The following PDK1 variants were observed in gnomAD, a reference collection of about 807,000 sequenced individuals.
The protein encoded by PDK1 is pyruvate dehydrogenase kinase 1.
Under a neutral mutation model 54.2 loss-of-function variants are expected in PDK1, and 39 were observed. The ratio of observed to expected loss-of-function variants is 0.72; its 90% CI spans 0.56 to 0.94. PDK1 has a LOEUF of 0.94. PDK1 is among the 40% of genes least tolerant of loss of function. The probability of loss-of-function intolerance (pLI) is 0.00; values close to 1 mark genes in which losing one functional copy is unlikely to be tolerated. For missense variants in PDK1, 552 were observed against 566.0 expected, an observed-to-expected ratio of 0.98 and a Z score of 0.25; for synonymous variants, 221 against 207.1, an observed-to-expected ratio of 1.07 and a Z score of -0.58.
the PDK1 span, among the ~76,000 whole-genome samples, chr2:172,646,511 A>G: frequency 1.3e-5 from 2 of 151,724 alleles, no homozygotes; most frequent in African/African-American, 4.8e-5. Context: ...AAGGCAAAAA[A>G]AAAGCGGTCA....
the PDK1 span, among the ~76,000 whole-genome samples, chr2:172,710,289 T>A: frequency 3.9e-5 from 6 of 152,196 alleles, no homozygotes; most frequent in African/African-American, 9.7e-5. Context: ...AGCTGAGACA[T>A]GTGAAAGATG....
chr2:172,590,436 G>A (rs564009085), intron 9 of PDK1, among the ~76,000 whole-genome samples: 15 of 152,150 alleles, frequency 9.9e-5, no homozygotes, highest in African/African-American at 3.1e-4. Flanking sequence ...TTCTTTCTTC[G>A]GTGGGTTTGT....
rs1690972233 is a variant in PDK1, at chr2:172,597,880, A to G, written c.*1911A>G. 1 of 152,248 alleles carries G rather than the reference A, an allele frequency of 6.6e-6. No homozygotes were observed. Among genetic ancestry groups the G allele is most frequent in the Non-Finnish European group, 1.5e-5 (1 of 68,036 alleles). The allele number at this position is 152,248 out of a possible 1,614,324, so 9.4% of individuals were successfully genotyped here. ...AACACTTCATCCTTGGAAGGATTAT[A>G]TAAGATGAACAGTTGTGATAAATGT... On this transcript the variant is annotated 3_prime_UTR_variant, in exon 11 of 11. Coordinates refer to ENST00000282077, the MANE Select transcript of PDK1 (RefSeq NM_002610.5).
At chr2:172,641,323 G>T in the PDK1 span, among the ~76,000 whole-genome samples, 1 of 151,860 alleles carries the variant, frequency 6.6e-6, no homozygotes, top group Admixed American at 6.6e-5. Flanking sequence ...GTGGAGACGG[G>T]GTCTTTCTAT....
intron 8 of PDK1, among the ~76,000 whole-genome samples, chr2:172,582,263 A>G (rs537127535): frequency 8.1e-4 from 123 of 152,310 alleles, no homozygotes; most frequent in African/African-American, 2.9e-3. Context: ...TTTACTGTTG[A>G]TGATTTTACA....
intron 5 of PDK1, 56 bp from the exon 6 acceptor site, chr2:172,566,800 G>A (rs909747715): frequency 1.7e-5 from 19 of 1,126,626 alleles, no homozygotes; most frequent in African/African-American, 1.1e-4. Context: ...ATCTTAATGC[G>A]TGAAAGAGAA....
intron 3 of PDK1, among the ~76,000 whole-genome samples, chr2:172,563,169 T>C (rs903978276): frequency 6.6e-6 from 1 of 152,152 alleles, no homozygotes; most frequent in African/African-American, 2.4e-5. Context: ...ATCCAAGCAG[T>C]CTTACTTTAA....
At chr2:172,621,717 T>C in the PDK1 span, among the ~76,000 whole-genome samples, 2 of 137,684 alleles carry the variant, frequency 1.5e-5, no homozygotes, top group African/African-American at 5.6e-5. Context: ...ATCAAACATG[T>C]TATATGTTTA....
chr2:172,680,582 G>C, the PDK1 span, among the ~76,000 whole-genome samples: 1 of 152,002 alleles, frequency 6.6e-6, no homozygotes, highest in Admixed American at 6.6e-5. Flanking sequence ...TGACCAGGCT[G>C]GTCTTGAACT....
rs1691162587 is a variant in PDK1 at position 172,602,942 on chromosome 2, T to G, written c.*6973T>G. 6.6e-6 allele frequency: 1 copy of G among 152,204 alleles called. No homozygotes were observed. Among genetic ancestry groups the G allele is most frequent in the Admixed American group, 6.5e-5 (1 of 15,276 alleles). 9.4% of individuals were successfully genotyped at this position (152,204 alleles called of 1,614,324 possible). A position where few individuals can be genotyped will look rare whatever the true frequency, so the allele number is the denominator to read the frequency against. On this transcript the variant is annotated 3_prime_UTR_variant, in exon 11 of 11. Transcript: ENST00000282077. ...GTGGTGCACAGCTGAACTTGATTGT[T>G]ACTCTTGGATCAGGGTTGGCTTGAT...
At chr2:172,649,686 C>T in the PDK1 span, among the ~76,000 whole-genome samples, 8 of 151,998 alleles carry the variant, frequency 5.3e-5, no homozygotes, top group Non-Finnish European at 7.4e-5. Flanking sequence ...AACTACGTGA[C>T]GCATGCACAA....
chr2:172,564,048 C>CT (rs1316141401), intron 3 of PDK1: 3 of 471,378 alleles, frequency 6.4e-6, no homozygotes, highest in African/African-American at 6.0e-5. Context: ...TCTTTGAACC[C>CT]TAGGGAATAG....
chr2:172,717,853 C>CT, the PDK1 span, among the ~76,000 whole-genome samples: 1 of 152,174 alleles, frequency 6.6e-6, no homozygotes, highest in African/African-American at 2.4e-5. Context: ...ATGGAGCTCA[C>CT]TGGCCTCTAG....
At chr2:172,567,358 T>A (rs1689013792) in intron 6 of PDK1, among the ~76,000 whole-genome samples, 2 of 152,366 alleles carry the variant, frequency 1.3e-5, no homozygotes, top group South Asian at 4.1e-4. Context: ...GATGCTCATC[T>A]ATTTGAGAAT....
chr2:172,677,960 G>A, the PDK1 span, among the ~76,000 whole-genome samples: 6 of 152,192 alleles, frequency 3.9e-5, no homozygotes, highest in East Asian at 7.7e-4. Flanking sequence ...CCTTAGGTCA[G>A]GAGTTCGAGA....
chr2:172,611,694 G>A (rs896453775), downstream of PDK1, among the ~76,000 whole-genome samples: 1 of 152,218 alleles, frequency 6.6e-6, no homozygotes, highest in African/African-American at 2.4e-5. Context: ...AGAAGTACGT[G>A]TCATGACCAA....
the PDK1 span, among the ~76,000 whole-genome samples, chr2:172,722,652 A>G: frequency 6.6e-6 from 1 of 152,200 alleles, no homozygotes; most frequent in Non-Finnish European, 1.5e-5. Context: ...TTAATTGGCA[A>G]TAACTATCAT....
chr2:172,611,683 A>G (rs1574561435), downstream of PDK1, among the ~76,000 whole-genome samples: 1 of 152,372 alleles, frequency 6.6e-6, no homozygotes, highest in South Asian at 2.1e-4. Flanking sequence ...AATGTATAAC[A>G]AGAAGTACGT....
the PDK1 span, among the ~76,000 whole-genome samples, chr2:172,644,761 A>G: frequency 6.6e-6 from 1 of 152,220 alleles, no homozygotes; most frequent in African/African-American, 2.4e-5. Context: ...GAAAATGCAA[A>G]TGAGAATTTT....
Sources: gnomAD v4.1 joint callset for allele counts (sites outside exome capture counted in the v4.1 genomes callset) on GRCh38, gnomAD v4.1.1 for gene constraint, MANE v1.5 for transcripts, NCBI Gene and HGNC (gene_info 2026-07-23, HGNC 2026-07-21) for gene names.